HCN1: variants seen among roughly 807,000 people sequenced by gnomAD.
HCN1 encodes potassium/sodium hyperpolarization-activated cyclic nucleotide-gated channel 1.
HCN1 carries 13 observed loss-of-function variants against 78.9 expected under a neutral mutation model. That is an observed-to-expected ratio of 0.16 (90% confidence interval 0.11 to 0.26). The LOEUF is 0.26. Among genes scored for constraint, HCN1 ranks in the 10% least tolerant of loss-of-function variants. HCN1 has a pLI of 1.00. For synonymous variants in HCN1, 552 were observed against 455.5 expected (o/e 1.21, Z -2.70); for missense variants, 810 against 1,154.3 (o/e 0.70, Z 4.32).
intron 2 of HCN1, among the ~76,000 whole-genome samples, chr5:45,596,896 G>T (rs1165421047): frequency 6.6e-6 from 1 of 152,152 alleles, no homozygotes; most frequent in East Asian, 1.9e-4. Flanking sequence ...AGGAACTAGA[G>T]AAAGAATAGG....
intron 1 of HCN1, among the ~76,000 whole-genome samples, chr5:45,658,047 T>A (rs753630707): frequency 6.6e-6 from 1 of 152,052 alleles, no homozygotes; most frequent in African/African-American, 2.4e-5. Flanking sequence ...AACAGATAGA[T>A]CAATGGAACA....
intron 4 of HCN1, among the ~76,000 whole-genome samples, chr5:45,355,207 C>A (rs1280925010): frequency 1.3e-5 from 2 of 151,936 alleles, no homozygotes. Context: ...ATGACTATTT[C>A]TTATCATTTA....
At chr5:45,281,809 G>T (rs1745175742) in intron 6 of HCN1, among the ~76,000 whole-genome samples, 1 of 151,552 alleles carries the variant, frequency 6.6e-6, no homozygotes, top group South Asian at 2.1e-4. Flanking sequence ...TGCCAGGATG[G>T]TCTTGATCTC....
chr5:45,402,992 G>T (rs1579871239), intron 3 of HCN1, among the ~76,000 whole-genome samples: 1 of 151,902 alleles, frequency 6.6e-6, no homozygotes, highest in African/African-American at 2.4e-5. Flanking sequence ...AAATTCCTGG[G>T]CTCCAGCAAT....
intron 2 of HCN1, among the ~76,000 whole-genome samples, chr5:45,540,574 C>A (rs910646467): frequency 2.0e-5 from 3 of 152,120 alleles, no homozygotes; most frequent in Non-Finnish European, 4.4e-5. Context: ...AAGGGATCTA[C>A]CTGCCTTGGC....
chr5:45,291,025 C>A (rs1745362167), intron 6 of HCN1, among the ~76,000 whole-genome samples: 2 of 152,138 alleles, frequency 1.3e-5, no homozygotes, highest in Middle Eastern at 6.8e-3. Context: ...TCATAAAACA[C>A]AATGGCCTAA....
chr5:45,303,795 A>T lies in HCN1; in HGVS notation c.1422T>A (p.Pro474=). ...AATTAGGATCCGCATTAGCAAATAA[A>T]GGCATTGTAGCCACCAGTTTCCGAC... ...FNCRKLVATM[P]LFANADPNFV... is the part of the protein sequence containing the mutation. Residue 474 remains proline, a synonymous_variant, in exon 6 of 8, where the codon CCT becomes CCA. Transcript: ENST00000303230. 6.2e-7 allele frequency: 1 copy of T among 1,613,608 alleles called. No individual in the cohort carries two copies. Among genetic ancestry groups the T allele is most frequent in the Non-Finnish European group, 8.5e-7 (1 of 1,179,686 alleles).
intron 6 of HCN1, among the ~76,000 whole-genome samples, chr5:45,277,475 CA>C (rs778586191): frequency 6.6e-6 from 1 of 151,598 alleles, no homozygotes; most frequent in Non-Finnish European, 1.5e-5. Flanking sequence ...CAAAACAAAA[CA>C]AAAAAACAAT....
chr5:45,315,013 A>G (rs1293344468), intron 5 of HCN1, among the ~76,000 whole-genome samples: 1 of 152,170 alleles, frequency 6.6e-6, no homozygotes, highest in Non-Finnish European at 1.5e-5. Context: ...AACGAGACAG[A>G]AAGTTAACCA....
chr5:45,446,608 A>G (rs1380372519), intron 3 of HCN1, among the ~76,000 whole-genome samples: 3 of 152,328 alleles, frequency 2.0e-5, no homozygotes, highest in Admixed American at 6.5e-5. Context: ...AGTTGAAATG[A>G]AGGAAAAAAT....
intron 5 of HCN1, among the ~76,000 whole-genome samples, chr5:45,335,477 G>C (rs1746434278): frequency 6.6e-6 from 1 of 152,062 alleles, no homozygotes; most frequent in South Asian, 2.1e-4. Flanking sequence ...AAAATGAAGG[G>C]AAAGCTTACT....
At chr5:45,548,247 T>C (rs1743272524) in intron 2 of HCN1, among the ~76,000 whole-genome samples, 1 of 151,738 alleles carries the variant, frequency 6.6e-6, no homozygotes, top group African/African-American at 2.4e-5. Context: ...ATTACTTTAC[T>C]TTTTTTTCAC....
intron 1 of HCN1, among the ~76,000 whole-genome samples, chr5:45,690,351 T>C (rs1286315117): frequency 6.6e-6 from 1 of 152,056 alleles, no homozygotes; most frequent in Non-Finnish European, 1.5e-5. Context: ...CTAACATAAC[T>C]TGAAAGAGTC....
At chr5:45,363,252 C>A (rs1747162157) in intron 4 of HCN1, among the ~76,000 whole-genome samples, 1 of 150,664 alleles carries the variant, frequency 6.6e-6, no homozygotes, top group South Asian at 2.1e-4. Flanking sequence ...CCACCTCTGA[C>A]CTCAACTGTA....
chr5:45,396,386 C>CTT (rs35841808), intron 4 of HCN1, 106 bp downstream of exon 4: 1,581 of 755,576 alleles, frequency 2.1e-3, no homozygotes, highest in East Asian at 4.4e-3. Context: ...CATTTTATCT[C>CTT]TTTTTTTTTT....
Position 45,645,719 on chromosome 5 carries a change from A to G in HCN1, c.426-111T>C, listed in dbSNP as rs964359788. 2.0e-5 allele frequency: 12 copies of G among 608,312 alleles called. No individual in the cohort carries two copies. The African/African-American group carries it at 2.2e-4, about 11-fold the overall frequency. 37.7% of individuals were successfully genotyped at this position (608,312 alleles called of 1,614,324 possible). On this transcript the variant is annotated intron_variant, in intron 1 of 7. Transcript: ENST00000303230. Reference sequence around the variant, plus strand: ...GAGATCAATAAGTAAAAGAACAAAGAAATGATTTTATTTTTTAAAAATGTA... The same window carrying G: ...GAGATCAATAAGTAAAAGAACAAAGGAATGATTTTATTTTTTAAAAATGTA...
chr5:45,542,213 C>T (rs1042528503), intron 2 of HCN1, among the ~76,000 whole-genome samples: 1 of 152,082 alleles, frequency 6.6e-6, no homozygotes, highest in African/African-American at 2.4e-5. Flanking sequence ...CATATAAAGG[C>T]TGAAACTACA....
chr5:45,693,250 T>C (rs1739948110), intron 1 of HCN1, among the ~76,000 whole-genome samples: 1 of 152,184 alleles, frequency 6.6e-6, no homozygotes, highest in Admixed American at 6.5e-5. Flanking sequence ...GGTTTTGAGA[T>C]CATACAAAAA....
Position 45,411,155 on chromosome 5 carries a change from G to T in HCN1, c.1012-14445C>A, listed in dbSNP as rs557186718. Among the ~76,000 whole-genome samples the T allele has an allele frequency of 6.4e-4, 97 of 152,000 alleles. 1 individual carries two copies. Among genetic ancestry groups the T allele is most frequent in the African/African-American group, 2.2e-3 (92 of 41,510 alleles). On this transcript the variant is annotated intron_variant, in intron 3 of 7. Coordinates refer to ENST00000303230, the MANE Select transcript of HCN1 (RefSeq NM_021072.4). ...GAGTCTCTCTGTGTGTGTACATTGG[G>T]GTGAGGGCATGAGGAAGAGTTGGGG...
Sources: gnomAD v4.1 joint callset for allele counts (sites outside exome capture counted in the v4.1 genomes callset) on GRCh38, gnomAD v4.1.1 for gene constraint, MANE v1.5 for transcripts, NCBI Gene and HGNC (gene_info 2026-07-23, HGNC 2026-07-21) for gene names.